Variants in ABLIM3 observed in about 807,000 individuals in gnomAD.
ABLIM3 encodes the protein actin binding LIM protein family member 3.
In ABLIM3, 61 loss-of-function variants were observed where a neutral mutation model predicts 109.5. The ratio of observed to expected loss-of-function variants is 0.56; its 90% CI spans 0.45 to 0.69. ABLIM3 has a LOEUF of 0.69. Ranked by LOEUF, ABLIM3 falls within the 30% of genes least tolerant of loss-of-function variation. The pLI is 0.00. For synonymous variants in ABLIM3, 300 were observed against 324.8 expected (o/e 0.92, Z 0.82); for missense variants, 796 against 889.5 (o/e 0.89, Z 1.34).
intron 8 of ABLIM3, among the ~76,000 whole-genome samples, chr5:149,229,999 C>T (rs1761690671): frequency 6.6e-6 from 1 of 152,208 alleles, no homozygotes; most frequent in South Asian, 2.1e-4. Context: ...CACCTCCTCC[C>T]CCTTAAATGT....
intron 2 of ABLIM3, among the ~76,000 whole-genome samples, chr5:149,179,236 A>T (rs1011607875): frequency 6.6e-6 from 1 of 152,228 alleles, no homozygotes; most frequent in Non-Finnish European, 1.5e-5. Flanking sequence ...TTTGGTATGC[A>T]TATAAAAGAG....
At chr5:149,170,173 C>T (rs528747040) in intron 2 of ABLIM3, among the ~76,000 whole-genome samples, 47 of 150,708 alleles carry the variant, frequency 3.1e-4, no homozygotes, top group South Asian at 1.5e-3. Context: ...AGCACAGTGG[C>T]TTCAGATCCA....
Position 149,251,362 on chromosome 5 carries a change from C to A in ABLIM3, c.1792C>A (p.Pro598Thr), listed in dbSNP as rs781176765. Residue 598 changes from proline (P) to threonine (T), a missense_variant, in exon 21 of 24, where the codon CCC becomes ACC. By Grantham distance (38) the Pro-to-Thr change is conservative. Transcript: ENST00000309868. Reference sequence around the variant, plus strand: ...CGTGGTTCTGTCTCTTCTGCAGACACCCAGCGCAGACCTCTTCCACTACGA... The same window carrying A: ...CGTGGTTCTGTCTCTTCTGCAGACAACCAGCGCAGACCTCTTCCACTACGA... ...AYRRNGLHRT[P>T]SADLFHYDSM... 3.7e-6 allele frequency: 6 copies of A among 1,614,162 alleles called. No individual in the cohort carries two copies. The highest frequency in any genetic ancestry group is 5.1e-6 in the Non-Finnish European group (6 of 1,180,034).
chr5:149,230,393 G>A (rs1761727859), intron 8 of ABLIM3, among the ~76,000 whole-genome samples: 1 of 152,178 alleles, frequency 6.6e-6, no homozygotes. Flanking sequence ...CAACTGGCAG[G>A]TAAGAAAGTT....
At chr5:149,152,822 A>G (rs1330067138) in intron 2 of ABLIM3, among the ~76,000 whole-genome samples, 1 of 152,096 alleles carries the variant, frequency 6.6e-6, no homozygotes, top group Non-Finnish European at 1.5e-5. Flanking sequence ...CTGAAAGGCC[A>G]CAACAATGAT....
At position 149,259,666 on chromosome 5, in the gene ABLIM3, G is replaced by A. The variant is rs1754742583; in HGVS notation, c.*1262G>A. 4 of 1,385,198 alleles carry A rather than the reference G, an allele frequency of 2.9e-6. No homozygotes were observed. The highest frequency in any genetic ancestry group is 4.0e-6 in the Non-Finnish European group (4 of 1,009,570). The allele number at this position is 1,385,198 out of a possible 1,614,324, so 85.8% of individuals were successfully genotyped here. ...TTCCTGCTCGCCTCCCTGAACAGGG[G>A]AGAAAGCTTAACCTCTCTTCTCCTC... On this transcript the variant is annotated 3_prime_UTR_variant, in exon 24 of 24. Coordinates refer to ENST00000309868, the MANE Select transcript of ABLIM3 (RefSeq NM_014945.5).
chr5:149,245,022 C>A lies in ABLIM3; in HGVS notation c.1486+7C>A. 14 of 1,614,158 alleles carry A rather than the reference C, an allele frequency of 8.7e-6. No homozygotes were observed. The highest frequency in any genetic ancestry group is 1.2e-5 in the Non-Finnish European group (14 of 1,180,022). Reference sequence around the variant, plus strand: ...TACCATGGGTCCCCCAAAGGTAGTACCCCCATAGGAGCCTGGGTCCAGGGC... The same window carrying A: ...TACCATGGGTCCCCCAAAGGTAGTAACCCCATAGGAGCCTGGGTCCAGGGC... On this transcript the variant is annotated splice_region_variant and intron_variant, in intron 16 of 23. Coordinates refer to ENST00000309868, the MANE Select transcript of ABLIM3 (RefSeq NM_014945.5).
At chr5:149,143,093 C>T (rs1488360635) in intron 2 of ABLIM3, among the ~76,000 whole-genome samples, 1 of 152,048 alleles carries the variant, frequency 6.6e-6, no homozygotes, top group Non-Finnish European at 1.5e-5. Context: ...GGCCAGGCAC[C>T]GTGTTCCATG....
At chr5:149,220,148 T>C (rs976921889) in intron 8 of ABLIM3, 1 of 152,096 alleles carries the variant, frequency 6.6e-6, no homozygotes, top group Non-Finnish European at 1.5e-5. Flanking sequence ...CTATTGAGGA[T>C]CTACTGTGTC....
chr5:149,226,119 A>C (rs1454944845), intron 8 of ABLIM3, among the ~76,000 whole-genome samples: 2 of 150,364 alleles, frequency 1.3e-5, no homozygotes, highest in African/African-American at 2.4e-5. Flanking sequence ...GGTTCCTCCC[A>C]GTCTATTGCC....
intron 6 of ABLIM3, among the ~76,000 whole-genome samples, chr5:149,210,030 G>T (rs748636718): frequency 6.6e-6 from 1 of 152,204 alleles, no homozygotes; most frequent in Non-Finnish European, 1.5e-5. Flanking sequence ...GGCAGAGCCC[G>T]AAGCAAAGCT....
chr5:149,246,125 T>C (rs1367640778), intron 16 of ABLIM3, among the ~76,000 whole-genome samples: 2 of 152,176 alleles, frequency 1.3e-5, no homozygotes, highest in African/African-American at 4.8e-5. Flanking sequence ...ATCACACCAC[T>C]GCACTCTAGC....
chr5:149,200,059 A>G (rs1758347954), intron 4 of ABLIM3, among the ~76,000 whole-genome samples: 1 of 152,230 alleles, frequency 6.6e-6, no homozygotes, highest in South Asian at 2.1e-4. Flanking sequence ...TACTTCTTAC[A>G]GCCTAGACAA....
chr5:149,163,146 G>A (rs1369022562), intron 2 of ABLIM3, among the ~76,000 whole-genome samples: 1 of 152,224 alleles, frequency 6.6e-6, no homozygotes, highest in Non-Finnish European at 1.5e-5. Context: ...AGTTGCCACT[G>A]GAGGTGGTGG....
At chr5:149,224,544 T>C (rs895198928) in intron 8 of ABLIM3, among the ~76,000 whole-genome samples, 2 of 152,196 alleles carry the variant, frequency 1.3e-5, no homozygotes, top group Admixed American at 6.5e-5. Context: ...GTTCAGTGAC[T>C]CCACCTGCAT....
chr5:149,185,499 T>C (rs891466973), intron 3 of ABLIM3, among the ~76,000 whole-genome samples: 9 of 152,136 alleles, frequency 5.9e-5, no homozygotes, highest in African/African-American at 1.9e-4. Context: ...AACTTTGCCT[T>C]TTGTAGGGAG....
At chr5:149,246,744 A>G (rs1258866212) in intron 17 of ABLIM3, among the ~76,000 whole-genome samples, 198 bp downstream of exon 17, 2 of 152,274 alleles carry the variant, frequency 1.3e-5, no homozygotes, top group African/African-American at 4.8e-5. Flanking sequence ...AAAATGTCAT[A>G]GGAAATTTGT....
chr5:149,254,332 A>C (rs188811456), intron 23 of ABLIM3, among the ~76,000 whole-genome samples: 145 of 152,190 alleles, frequency 9.5e-4, no homozygotes, highest in African/African-American at 3.5e-3. Flanking sequence ...TCCAAAGTAC[A>C]TCAAGCACCT....
intron 2 of ABLIM3, among the ~76,000 whole-genome samples, chr5:149,160,791 G>T (rs558009313): frequency 4.3e-4 from 65 of 152,300 alleles, no homozygotes; most frequent in African/African-American, 1.5e-3. Context: ...TAAGCTGGGG[G>T]TTCTGTGTGC....
Sources: allele counts gnomAD v4.1 joint callset (sites outside exome capture counted in the v4.1 genomes callset), GRCh38; gene constraint gnomAD v4.1.1; transcripts MANE v1.5; gene names NCBI Gene and HGNC (gene_info 2026-07-23, HGNC 2026-07-21).